The following GSTCD variants were observed in gnomAD, a reference collection of about 807,000 sequenced individuals.
GSTCD encodes the protein glutathione S-transferase C-terminal domain-containing protein.
A neutral mutation model predicts 68.3 loss-of-function variants in GSTCD; 44 were observed. That is an observed-to-expected ratio of 0.64 (90% confidence interval 0.51 to 0.83). The LOEUF is 0.83. GSTCD is among the 40% of genes least tolerant of loss of function. The pLI is 0.00. For missense variants in GSTCD, 739 were observed against 735.9 expected (o/e 1.00, Z -0.05); for synonymous variants, 273 against 255.2 (o/e 1.07, Z -0.67).
intron 5 of GSTCD, among the ~76,000 whole-genome samples, chr4:105,798,024 A>T (rs375248432): frequency 4.4e-4 from 67 of 151,820 alleles, no homozygotes; most frequent in African/African-American, 1.6e-3. Flanking sequence ...GTCCTCTCAA[A>T]CCCTGCTGCT....
chr4:105,811,707 G>C (rs1168730732), intron 5 of GSTCD, among the ~76,000 whole-genome samples: 1 of 151,948 alleles, frequency 6.6e-6, no homozygotes. Flanking sequence ...AAAAAAATCT[G>C]TCCTATCAGC....
chr4:105,787,064 G>C (rs769224523), intron 5 of GSTCD, among the ~76,000 whole-genome samples: 3 of 152,010 alleles, frequency 2.0e-5, no homozygotes, highest in African/African-American at 4.8e-5. Flanking sequence ...TATATGTGAT[G>C]TATCCATCAA....
At chr4:105,800,518 T>C (rs1736066651) in intron 5 of GSTCD, among the ~76,000 whole-genome samples, 1 of 152,156 alleles carries the variant, frequency 6.6e-6, no homozygotes, top group Non-Finnish European at 1.5e-5. Context: ...TTGAAATTTT[T>C]CCCAAGTCTG....
chr4:105,819,494 A>G (rs1723169883), intron 5 of GSTCD, among the ~76,000 whole-genome samples: 1 of 151,776 alleles, frequency 6.6e-6, no homozygotes, highest in South Asian at 2.1e-4. Flanking sequence ...TCCTCTGCAT[A>G]TAGATGAGTA....
chr4:105,845,584 A>T lies in GSTCD; in HGVS notation c.*7A>T, dbSNP rs1302116419. 1 of 1,613,844 alleles carries T rather than the reference A, an allele frequency of 6.2e-7. No individual in the cohort carries two copies. The highest frequency in any genetic ancestry group is 1.1e-5 in the South Asian group (1 of 91,062). On this transcript the variant is annotated 3_prime_UTR_variant, in exon 12 of 12. Transcript: ENST00000515279. ...TGTGGGAGTCCCCATTTAAAATGAG[A>T]TATTCACATTTGATATTTTGCCATC...
chr4:105,766,131 G>A (rs1274800330), intron 5 of GSTCD, among the ~76,000 whole-genome samples: 1 of 152,170 alleles, frequency 6.6e-6, no homozygotes, highest in Admixed American at 6.5e-5. Flanking sequence ...TATAGGTGAT[G>A]AAAGCTCTAG....
Position 105,724,080 on chromosome 4 carries a change from A to G in GSTCD, c.895-2499A>G, listed in dbSNP as rs143276389. ...TTTTATTTTCTGTCCTTTCTGTCTCATGCTCTGATATTATTGTGAAATATA... is the reference window on the plus strand; with the variant it reads ...TTTTATTTTCTGTCCTTTCTGTCTCGTGCTCTGATATTATTGTGAAATATA... On this transcript the variant is annotated intron_variant, in intron 3 of 11. Transcript: ENST00000515279. Among the ~76,000 whole-genome samples, 612 of 151,950 alleles carry G rather than the reference A, an allele frequency of 4.0e-3. 3 individuals carry two copies. Among genetic ancestry groups the G allele is most frequent in the African/African-American group, 0.014 (569 of 41,538 alleles).
chr4:105,828,810 G>A (rs940520481), intron 8 of GSTCD, among the ~76,000 whole-genome samples: 1 of 152,006 alleles, frequency 6.6e-6, no homozygotes, highest in East Asian at 1.9e-4. Flanking sequence ...GAATAGGGAG[G>A]GACTGAAATC....
chr4:105,781,026 C>T (rs192543134), intron 5 of GSTCD, among the ~76,000 whole-genome samples: 1 of 152,084 alleles, frequency 6.6e-6, no homozygotes, highest in Non-Finnish European at 1.5e-5. Context: ...CATTTCCAAG[C>T]CTTAAATTTC....
chr4:105,768,310 G>A (rs1437504988), intron 5 of GSTCD, among the ~76,000 whole-genome samples: 2 of 152,106 alleles, frequency 1.3e-5, no homozygotes, highest in African/African-American at 2.4e-5. Context: ...GCTTACAGGC[G>A]TAAGTCATCG....
intron 5 of GSTCD, among the ~76,000 whole-genome samples, chr4:105,816,384 A>G (rs1251898118): frequency 1.3e-5 from 2 of 152,104 alleles, no homozygotes; most frequent in Non-Finnish European, 2.9e-5. Context: ...AAAGGTTGCT[A>G]CAGTCCCAAG....
chr4:105,715,220 CTTTG>C (rs1732647989), intron 1 of GSTCD, among the ~76,000 whole-genome samples: 3 of 152,060 alleles, frequency 2.0e-5, no homozygotes. Context: ...ACAGATCTCA[CTTTG>C]TTTGACTGTT....
chr4:105,825,867 A>T (rs1162849473), intron 8 of GSTCD, 67 bp downstream of exon 8: 6 of 946,164 alleles, frequency 6.3e-6, no homozygotes, highest in Non-Finnish European at 9.5e-6. Flanking sequence ...CCTTAGAGTA[A>T]ATAAAAAAGA....
At chr4:105,832,723 T>G (rs963956643) in intron 8 of GSTCD, among the ~76,000 whole-genome samples, 1 of 152,150 alleles carries the variant, frequency 6.6e-6, no homozygotes, top group Non-Finnish European at 1.5e-5. Context: ...TAGTTCTGAG[T>G]GCCATCACCC....
intron 5 of GSTCD, among the ~76,000 whole-genome samples, chr4:105,797,861 G>A (rs184617691): frequency 2.8e-5 from 4 of 140,944 alleles, no homozygotes; most frequent in African/African-American, 8.1e-5. Flanking sequence ...TGCAACCTCC[G>A]CCTGCTGGGC....
At chr4:105,820,043 A>T (rs1024851905) in intron 5 of GSTCD, among the ~76,000 whole-genome samples, 5 of 151,852 alleles carry the variant, frequency 3.3e-5, no homozygotes, top group Non-Finnish European at 7.4e-5. Context: ...TTAAGCTAAG[A>T]AACAAAAAAT....
At chr4:105,841,999 GGTT>G (rs1489944843) in intron 10 of GSTCD, 63 bp from the exon 11 acceptor site, 20 of 1,203,236 alleles carry the variant, frequency 1.7e-5, no homozygotes, top group Admixed American at 5.4e-5. Flanking sequence ...TTTTTTTGGT[GGTT>G]GTTTTTATAA....
At position 105,791,349 on chromosome 4, in the gene GSTCD, C is replaced by T. The variant is rs574180394; in HGVS notation, c.1241-31605C>T. 9.0e-3 allele frequency among the ~76,000 whole-genome samples: 1,327 copies of T among 147,774 alleles called. 39 individuals carry two copies. The highest frequency in any genetic ancestry group is 0.032 in the African/African-American group (1,255 of 39,726). ...CGGAGCTTGCAGTGAGCCGAGATCG[C>T]GCCACTGCACTCCAGCCTGGGCAAC... On this transcript the variant is annotated intron_variant, in intron 5 of 11. Coordinates refer to ENST00000515279, the MANE Select transcript of GSTCD (RefSeq NM_001370181.1).
At chr4:105,720,071 C>A (rs1236407075) in intron 3 of GSTCD, among the ~76,000 whole-genome samples, 1 of 152,098 alleles carries the variant, frequency 6.6e-6, no homozygotes, top group Non-Finnish European at 1.5e-5. Flanking sequence ...TTTCTCTGTT[C>A]TCTCTGAGAG....
Sources: allele counts gnomAD v4.1 joint callset (sites outside exome capture counted in the v4.1 genomes callset), GRCh38; gene constraint gnomAD v4.1.1; transcripts MANE v1.5; gene names NCBI Gene and HGNC (gene_info 2026-07-23, HGNC 2026-07-21).